Variants in XPO7 observed in about 807,000 individuals in gnomAD.
XPO7 encodes the protein exportin-7.
In XPO7, 21 loss-of-function variants were observed where a neutral mutation model predicts 144.3. The observed-to-expected ratio is 0.15, with a 90% CI of 0.10 to 0.21. XPO7 has a LOEUF of 0.21. XPO7 is among the 10% of genes least tolerant of loss of function. XPO7 has a pLI of 1.00. For missense variants in XPO7, 808 were observed against 1,325.8 expected (o/e 0.61, Z 6.06); for synonymous variants, 580 against 499.6 (o/e 1.16, Z -2.15).
At chr8:21,950,121 ATTTTTGT>A (rs1173628025) in intron 1 of XPO7, among the ~76,000 whole-genome samples, 1 of 152,188 alleles carries the variant, frequency 6.6e-6, no homozygotes, top group African/African-American at 2.4e-5. Flanking sequence ...ACTGTTGGTC[ATTTTTGT>A]TAGAGATTTG....
At chr8:21,937,878 A>G (rs1313477399) in intron 1 of XPO7, among the ~76,000 whole-genome samples, 1 of 152,246 alleles carries the variant, frequency 6.6e-6, no homozygotes, top group Non-Finnish European at 1.5e-5. Context: ...GGAGTAATTT[A>G]TAAAGTAGAT....
intron 1 of XPO7, among the ~76,000 whole-genome samples, chr8:21,940,735 C>T (rs988012629): frequency 1.3e-5 from 2 of 152,134 alleles, no homozygotes; most frequent in African/African-American, 4.8e-5. Context: ...TCCCAAAGTG[C>T]TGGGACTACA....
In XPO7 at chr8:21,976,459, C is replaced by G. The variant is rs1013129792; in HGVS notation, c.701C>G (p.Thr234Ser). The change falls in exon 7 of 28, where the codon ACT (threonine) becomes AGT (serine). Residue 234 changes from threonine to serine, a missense_variant. By Grantham distance (58) the Thr-to-Ser change is moderately conservative (BLOSUM62 1). Around this residue, in one of 5 missense-constraint regions of XPO7, gnomAD observed 223 missense variants for 368.8 expected, o/e 0.60. Transcript: ENST00000252512. ...TGCCTCAACTTTGACTTCATCGGCA[C>G]TTCCACTGATGAGTCCTCAGACGAC... The part of the protein sequence containing the change: ...HNCLNFDFIG[T>S]STDESSDDLC... 1.2e-6 allele frequency: 2 copies of G among 1,614,024 alleles called. No homozygotes were observed. The highest frequency in any genetic ancestry group is 1.7e-6 in the Non-Finnish European group (2 of 1,179,878).
At position 21,971,229 on chromosome 8, in the gene XPO7, TG is replaced by T. The variant is rs1176759104; in HGVS notation, c.427-646del. Among the ~76,000 whole-genome samples the T allele has an allele frequency of 3.3e-5, 5 of 152,324 alleles. No individual in the cohort carries two copies. In the South Asian group the frequency reaches 6.2e-4, roughly 19 times the overall value. On this transcript the variant is annotated intron_variant, in intron 4 of 27. Transcript: ENST00000252512. ...TCTAGGTTTATGTAAGTACACTCTA[TG>T]ATGTTAGCACAACAGTGAAATCCTC...
intron 14 of XPO7, 127 bp from the exon 15 acceptor site, chr8:21,987,657 G>C (rs1320209926): frequency 2.0e-5 from 21 of 1,041,736 alleles, no homozygotes; most frequent in South Asian, 1.3e-4. Context: ...TATCCCTTCA[G>C]TAAAGTCCTC....
chr8:21,981,988 C>A (rs1475105172), intron 10 of XPO7, 111 bp downstream of exon 10: 1 of 1,378,706 alleles, frequency 7.3e-7, no homozygotes, highest in African/African-American at 1.4e-5. Context: ...AACCATAAGT[C>A]CAGTATAGCC....
intron 5 of XPO7, 41 bp from the exon 6 acceptor site, chr8:21,974,629 G>A (rs758509331): frequency 2.8e-5 from 40 of 1,431,938 alleles, no homozygotes; most frequent in Admixed American, 1.0e-4. Flanking sequence ...TTCTTTTTTT[G>A]CAATTAATTC....
intron 11 of XPO7, among the ~76,000 whole-genome samples, chr8:21,983,116 A>G (rs979875624): frequency 3.9e-5 from 6 of 152,238 alleles, no homozygotes; most frequent in African/African-American, 1.4e-4. Flanking sequence ...AATGTGAGAA[A>G]CATTTATAAG....
At chr8:21,964,353 A>G (rs1490465096) in intron 1 of XPO7, 2 of 152,202 alleles carry the variant, frequency 1.3e-5, no homozygotes, top group Non-Finnish European at 2.9e-5. Context: ...CTTAGTGTGA[A>G]GTACTAGTTG....
rs770733779 is a variant in XPO7 at position 21,990,845 on chromosome 8, A to G, written c.1967A>G (p.Gln656Arg). The G allele has an allele frequency of 1.2e-6, 2 of 1,613,986 alleles. No individual in the cohort carries two copies. The highest frequency in any genetic ancestry group is 1.1e-5 in the South Asian group (1 of 91,080). ...TTTTCATTTTTGGGTATTAACAATC[A>G]GTCCAACCTGACAGACATGCGGTGT... ...EHFSFLGINN[Q>R]SNLTDMRCRT... The change falls in exon 18 of 28, where the codon CAG becomes CGG. Residue 656 changes from glutamine (Q) to arginine (R), a missense_variant. Gln to Arg is a conservative substitution (Grantham distance 43, BLOSUM62 1). This residue lies in a region of XPO7 where 416 missense variants were observed against 612.5 expected (regional missense o/e 0.68). Transcript: ENST00000252512.
intron 1 of XPO7, among the ~76,000 whole-genome samples, chr8:21,943,012 T>C (rs532327971): frequency 9.8e-5 from 15 of 152,340 alleles, no homozygotes; most frequent in African/African-American, 3.6e-4. Context: ...ACCATTGCCT[T>C]TGTACCTTTG....
intron 4 of XPO7, among the ~76,000 whole-genome samples, chr8:21,971,629 A>G (rs918971619): frequency 7.9e-5 from 12 of 152,108 alleles, no homozygotes; most frequent in African/African-American, 2.2e-4. Context: ...TATAATGCTT[A>G]TGGGAATTTT....
At chr8:21,924,282 T>G (rs984814537) in intron 1 of XPO7, among the ~76,000 whole-genome samples, 1 of 152,188 alleles carries the variant, frequency 6.6e-6, no homozygotes, top group African/African-American at 2.4e-5. Flanking sequence ...CAAAAACTTT[T>G]TATTGAAATA....
chr8:21,957,885 T>G (rs1811591977), intron 1 of XPO7, among the ~76,000 whole-genome samples: 1 of 152,128 alleles, frequency 6.6e-6, no homozygotes, highest in Non-Finnish European at 1.5e-5. Flanking sequence ...CCGGGTTTTT[T>G]TTTTCCCACT....
chr8:21,928,598 T>G (rs1810538476), intron 1 of XPO7, among the ~76,000 whole-genome samples: 1 of 152,218 alleles, frequency 6.6e-6, no homozygotes, highest in African/African-American at 2.4e-5. Context: ...ATCTTGTGTT[T>G]TTAGTTTGTA....
intron 3 of XPO7, 130 bp downstream of exon 3, chr8:21,969,706 A>T: frequency 2.1e-6 from 2 of 962,690 alleles, no homozygotes; most frequent in Middle Eastern, 2.2e-4. Context: ...TCTAGAATCC[A>T]GTTCGTTTCC....
Position 22,005,644 on chromosome 8 carries a change from A to G in XPO7, c.*556A>G, listed in dbSNP as rs1382123333. On this transcript the variant is annotated 3_prime_UTR_variant, in exon 28 of 28. Transcript: ENST00000252512. ...TGACACAGTAGAGAGGCAAAAAAAA[A>G]GCTAAAATTCCAAATGTATATTTTT... The G allele has an allele frequency of 6.6e-6, 1 of 152,202 alleles. No homozygotes were observed. The highest frequency in any genetic ancestry group is 1.5e-5 in the Non-Finnish European group (1 of 68,038). 9.4% of individuals were successfully genotyped at this position (152,202 alleles called of 1,614,324 possible).
intron 12 of XPO7, among the ~76,000 whole-genome samples, chr8:21,985,099 C>T (rs913773062): frequency 5.1e-4 from 77 of 152,270 alleles, no homozygotes; most frequent in African/African-American, 1.7e-3. Context: ...TACTTCTTGG[C>T]TCAAGTGATC....
chr8:21,955,917 C>T (rs1811521438), intron 1 of XPO7, among the ~76,000 whole-genome samples: 1 of 151,776 alleles, frequency 6.6e-6, no homozygotes, highest in South Asian at 2.1e-4. Flanking sequence ...TTAGTAGAGA[C>T]GGGATTTCAC....
Sources: gnomAD v4.1 joint callset for allele counts (sites outside exome capture counted in the v4.1 genomes callset) on GRCh38, gnomAD v4.1.1 for gene constraint, gnomAD v4.1.1 regional missense constraint, MANE v1.5 for transcripts, NCBI Gene and HGNC (gene_info 2026-07-23, HGNC 2026-07-21) for gene names.